The following CREBBP variants were observed in gnomAD, a reference collection of about 807,000 sequenced individuals.
CREBBP encodes CREB-binding protein.
CREBBP carries 19 observed loss-of-function variants against 265.0 expected under a neutral mutation model. That is an observed-to-expected ratio of 0.07 (90% CI 0.05 to 0.11). CREBBP has a LOEUF of 0.11. CREBBP is among the 10% of genes least tolerant of loss of function. CREBBP has a pLI of 1.00. For synonymous variants in CREBBP, 1,457 were observed against 1,223.7 expected (o/e 1.19, Z -3.98); for missense variants, 2,525 against 3,219.0 (o/e 0.78, Z 5.22).
chr16:3,859,690 C>T (rs1017860127), intron 1 of CREBBP, among the ~76,000 whole-genome samples: 2 of 152,146 alleles, frequency 1.3e-5, no homozygotes, highest in African/African-American at 4.8e-5. Flanking sequence ...TTTAATCAAT[C>T]ATGCCTATGT....
In CREBBP at chr16:3,727,989, C is replaced by A. The variant is rs1423752547; in HGVS notation, c.7058G>T (p.Arg2353Leu). Residue 2353 changes from arginine (R) to leucine (L), a missense_variant, in exon 31 of 31, where the codon CGG (arginine) becomes CTG (leucine). Arg to Leu is a moderately radical substitution (Grantham distance 102). Around this residue, in one of 19 missense-constraint regions of CREBBP, gnomAD observed 473 missense variants for 459.3 expected, o/e 1.03. Transcript: ENST00000262367. ...VRSPAPVQSP[R>L]PQSQPPHSSP... ...GGAATGTGGAGGCTGGGACTGGGGC[C>A]GTGGAGACTGGACAGGGGCTGGAGA... 6.2e-7 allele frequency: 1 copy of A among 1,609,216 alleles called. No homozygotes were observed. Among genetic ancestry groups the A allele is most frequent in the South Asian group, 1.1e-5 (1 of 90,636 alleles).
chr16:3,737,054 C>T (rs940849639), intron 26 of CREBBP: 17 of 580,998 alleles, frequency 2.9e-5, no homozygotes, highest in Non-Finnish European at 4.6e-5. Flanking sequence ...AGGGCAGGGC[C>T]GAGGCTGCAA....
At chr16:3,834,560 T>C (rs1275602961) in intron 2 of CREBBP, among the ~76,000 whole-genome samples, 2 of 152,168 alleles carry the variant, frequency 1.3e-5, no homozygotes, top group Admixed American at 1.3e-4. Flanking sequence ...CACAGACGGC[T>C]TTTAGGGCAG....
intron 2 of CREBBP, among the ~76,000 whole-genome samples, chr16:3,837,483 G>A (rs188050255): frequency 6.6e-6 from 1 of 152,044 alleles, no homozygotes; most frequent in Admixed American, 6.5e-5. Flanking sequence ...GGGCGTGGCG[G>A]CATGCACCTG....
intron 3 of CREBBP, 96 bp downstream of exon 3, chr16:3,810,507 C>CT: frequency 6.9e-7 from 1 of 1,440,332 alleles, no homozygotes; most frequent in African/African-American, 1.4e-5. Context: ...TACTGACACA[C>CT]TTTTAGTTAT....
At chr16:3,824,800 G>T (rs1474408470) in intron 2 of CREBBP, among the ~76,000 whole-genome samples, 7 of 152,174 alleles carry the variant, frequency 4.6e-5, no homozygotes, top group Non-Finnish European at 1.0e-4. Flanking sequence ...AGGTTTTTAG[G>T]GGAGAAAACA....
chr16:3,763,709 C>A (rs2052777449), intron 16 of CREBBP, among the ~76,000 whole-genome samples: 2 of 152,200 alleles, frequency 1.3e-5, no homozygotes, highest in South Asian at 4.1e-4. Flanking sequence ...GGTGATCCAC[C>A]CGCCTCAGCT....
At chr16:3,829,981 C>A (rs976675543) in intron 2 of CREBBP, among the ~76,000 whole-genome samples, 3 of 152,034 alleles carry the variant, frequency 2.0e-5, no homozygotes, top group African/African-American at 7.3e-5. Context: ...AAACCTAAAC[C>A]CAACAATTAT....
chr16:3,727,600 A>G lies in CREBBP; in HGVS notation c.*118T>C. 1 of 1,547,034 alleles carries G rather than the reference A, an allele frequency of 6.5e-7. No homozygotes were observed. The highest frequency in any genetic ancestry group is 1.2e-5 in the South Asian group (1 of 86,656). ...GTATTGTTTCTTTAAACATCAATCCACCCTTCCATGGCTCGGAAGTCGCAG... is the reference window on the plus strand; with the variant it reads ...GTATTGTTTCTTTAAACATCAATCCGCCCTTCCATGGCTCGGAAGTCGCAG... On this transcript the variant is annotated 3_prime_UTR_variant, in exon 31 of 31. Transcript: ENST00000262367.
chr16:3,729,916 C>T (rs780634921), intron 30 of CREBBP, 42 bp from the exon 31 acceptor site: 1 of 1,594,724 alleles, frequency 6.3e-7, no homozygotes, highest in Non-Finnish European at 8.5e-7. Context: ...CAGCATGGGA[C>T]CCAGTACCAC....
intron 13 of CREBBP, among the ~76,000 whole-genome samples, chr16:3,773,047 C>T (rs2053052968): frequency 6.6e-6 from 1 of 151,862 alleles, no homozygotes; most frequent in East Asian, 1.9e-4. Context: ...GATTGTACCA[C>T]TGCACTCCAG....
At chr16:3,865,038 G>A (rs113838879) in intron 1 of CREBBP, among the ~76,000 whole-genome samples, 88 of 152,010 alleles carry the variant, frequency 5.8e-4, no homozygotes, top group Middle Eastern at 6.8e-3. Flanking sequence ...CAGCCTGGGC[G>A]ACAAAGCAAG....
chr16:3,734,731 G>A (rs1055155473), intron 28 of CREBBP, among the ~76,000 whole-genome samples: 1 of 151,730 alleles, frequency 6.6e-6, no homozygotes, highest in Non-Finnish European at 1.5e-5. Context: ...GACACTCTGG[G>A]GCGCCGTCCA....
intron 28 of CREBBP, 132 bp downstream of exon 28, chr16:3,735,904 G>T: frequency 7.2e-7 from 1 of 1,391,212 alleles, no homozygotes. Context: ...TGCTGCAGGT[G>T]GTGTCGACGT....
chr16:3,873,795 AC>A (rs2055346807), intron 1 of CREBBP, among the ~76,000 whole-genome samples: 1 of 152,186 alleles, frequency 6.6e-6, no homozygotes, highest in Admixed American at 6.5e-5. Context: ...TGGGTACGGA[AC>A]TCGGAAGCAA....
At chr16:3,786,028 C>T (rs182886258) in intron 5 of CREBBP, among the ~76,000 whole-genome samples, 1 of 152,338 alleles carries the variant, frequency 6.6e-6, no homozygotes, top group Admixed American at 6.5e-5. Context: ...ACTCACCTGC[C>T]ACTCTTCATG....
intron 2 of CREBBP, among the ~76,000 whole-genome samples, chr16:3,842,356 A>C (rs1246039108): frequency 6.6e-6 from 1 of 152,148 alleles, no homozygotes; most frequent in African/African-American, 2.4e-5. Flanking sequence ...CAACACCCGT[A>C]GCCAGGAAAG....
rs932671376 is a variant in CREBBP at position 3,741,032 on chromosome 16, G to A, written c.3983-483C>T. The A allele has an allele frequency of 4.9e-5, 11 of 224,344 alleles. No individual in the cohort carries two copies. In the East Asian group the frequency reaches 1.1e-3, roughly 22 times the overall value. 13.9% of individuals were successfully genotyped at this position (224,344 alleles called of 1,614,324 possible). On this transcript the variant is annotated intron_variant, in intron 23 of 30. Coordinates refer to ENST00000262367, the MANE Select transcript of CREBBP (RefSeq NM_004380.3). ...AAGCTCTGGCCAGAGCCTGTCCGGT[G>A]CCTCAGGAGCTGGCAAAGTATTGGT...
At chr16:3,845,459 A>G (rs1206043955) in intron 2 of CREBBP, among the ~76,000 whole-genome samples, 1 of 152,252 alleles carries the variant, frequency 6.6e-6, no homozygotes, top group Non-Finnish European at 1.5e-5. Flanking sequence ...TACCAAAAAC[A>G]GCATATCGTA....
Sources: allele counts gnomAD v4.1 joint callset (sites outside exome capture counted in the v4.1 genomes callset), GRCh38; gene constraint gnomAD v4.1.1; regional missense constraint gnomAD v4.1.1; transcripts MANE v1.5; gene names NCBI Gene and HGNC (gene_info 2026-07-23, HGNC 2026-07-21).